MACROD2: variants seen among roughly 807,000 people sequenced by gnomAD.
MACROD2 encodes ADP-ribose glycohydrolase MACROD2.
Under a neutral mutation model 70.4 loss-of-function variants are expected in MACROD2, and 36 were observed. The observed-to-expected ratio is 0.51, with a 90% CI of 0.39 to 0.68. MACROD2 has a LOEUF of 0.68. Among genes scored for constraint, MACROD2 ranks in the 30% least tolerant of loss-of-function variants. The pLI is 0.00. For missense variants in MACROD2, 496 were observed against 538.4 expected (o/e 0.92, Z 0.78); for synonymous variants, 172 against 178.8 (o/e 0.96, Z 0.30).
intron 5 of MACROD2, among the ~76,000 whole-genome samples, chr20:15,070,279 T>G (rs1239700162): frequency 6.6e-6 from 1 of 152,170 alleles, no homozygotes; most frequent in Middle Eastern, 3.2e-3. Context: ...ATTTTTGATT[T>G]TACACGTTCC....
At chr20:15,542,642 T>G (rs1189030427) in intron 8 of MACROD2, among the ~76,000 whole-genome samples, 2 of 151,990 alleles carry the variant, frequency 1.3e-5, no homozygotes, top group Non-Finnish European at 2.9e-5. Flanking sequence ...TTCAAACACT[T>G]GACTGATCTT....
At chr20:14,602,746 G>C (rs560481213) in intron 4 of MACROD2, among the ~76,000 whole-genome samples, 1 of 152,210 alleles carries the variant, frequency 6.6e-6, no homozygotes, top group East Asian at 1.9e-4. Context: ...TTCCCTACCA[G>C]CCCAATTATT....
intron 5 of MACROD2, among the ~76,000 whole-genome samples, chr20:15,136,191 C>T (rs1478318763): frequency 1.3e-4 from 20 of 148,708 alleles, no homozygotes; most frequent in Admixed American, 1.1e-3. Context: ...TGACTTTCTT[C>T]ACAGAATTGG....
intron 8 of MACROD2, among the ~76,000 whole-genome samples, chr20:15,636,089 A>AAAAAAAAAAG (rs1459679844): frequency 1.0e-4 from 14 of 135,016 alleles, no homozygotes; most frequent in African/African-American, 2.7e-4. Context: ...AAAAAAAAAA[A>AAAAAAAAAAG]AAAGAAAGAA....
At chr20:14,269,754 G>C (rs1026742388) in intron 3 of MACROD2, among the ~76,000 whole-genome samples, 1 of 151,688 alleles carries the variant, frequency 6.6e-6, no homozygotes, top group African/African-American at 2.4e-5. Flanking sequence ...CTTTAAACAT[G>C]CTGGAATTTG....
chr20:15,065,241 G>C (rs2075564176), intron 5 of MACROD2, among the ~76,000 whole-genome samples: 1 of 151,920 alleles, frequency 6.6e-6, no homozygotes, highest in Admixed American at 6.6e-5. Flanking sequence ...TGATTGCATT[G>C]TTTTCTCAAT....
At chr20:15,024,887 C>G (rs2075217942) in intron 5 of MACROD2, among the ~76,000 whole-genome samples, 1 of 152,158 alleles carries the variant, frequency 6.6e-6, no homozygotes, top group Non-Finnish European at 1.5e-5. Context: ...GAGCCCCTGT[C>G]TAAGGTACCA....
chr20:14,483,559 G>A (rs542307695), intron 3 of MACROD2, among the ~76,000 whole-genome samples: 12 of 151,916 alleles, frequency 7.9e-5, no homozygotes, highest in South Asian at 2.1e-4. Context: ...GGCATGTGCC[G>A]CCACGCCTGG....
chr20:14,066,208 A>G (rs1266212676), intron 2 of MACROD2, among the ~76,000 whole-genome samples: 1 of 152,194 alleles, frequency 6.6e-6, no homozygotes, highest in East Asian at 1.9e-4. Context: ...TAACTCCATT[A>G]TTTGTGCTTT....
intron 5 of MACROD2, among the ~76,000 whole-genome samples, chr20:14,932,016 A>C (rs1222199252): frequency 6.6e-6 from 1 of 151,606 alleles, no homozygotes; most frequent in Non-Finnish European, 1.5e-5. Context: ...AAAAAAAAAA[A>C]AAAAAAAAAT....
intron 5 of MACROD2, among the ~76,000 whole-genome samples, chr20:14,969,515 A>C (rs949012913): frequency 6.6e-6 from 1 of 151,838 alleles, no homozygotes; most frequent in Admixed American, 6.6e-5. Flanking sequence ...GCAGATAGGA[A>C]CCCCCAGTTT....
chr20:14,504,127 C>T (rs1306884674), intron 4 of MACROD2, among the ~76,000 whole-genome samples: 1 of 152,126 alleles, frequency 6.6e-6, no homozygotes, highest in Non-Finnish European at 1.5e-5. Context: ...CTATTGTGTT[C>T]ACTTGCTGAA....
intron 6 of MACROD2, among the ~76,000 whole-genome samples, chr20:15,429,244 C>G (rs1224651640): frequency 6.6e-6 from 1 of 152,134 alleles, no homozygotes; most frequent in Non-Finnish European, 1.5e-5. Context: ...GCTTCATGAT[C>G]TGTATCACTG....
In MACROD2 at chr20:14,770,499, G is replaced by A. The variant is rs930315044; in HGVS notation, c.418+85540G>A. ...TTATACTGAGGTTCAAATAGCTCTC[G>A]TAGATTTACACTTTTTGAGTGACTA... On this transcript the variant is annotated intron_variant, in intron 5 of 17. Transcript: ENST00000684519. Among the ~76,000 whole-genome samples the A allele has an allele frequency of 2.8e-4, 43 of 152,096 alleles. 1 individual carries two copies. Among genetic ancestry groups the A allele is most frequent in the African/African-American group, 8.2e-4 (34 of 41,442 alleles).
chr20:14,517,702 G>C (rs1188011009), intron 4 of MACROD2, among the ~76,000 whole-genome samples: 1 of 152,056 alleles, frequency 6.6e-6, no homozygotes, highest in Non-Finnish European at 1.5e-5. Context: ...AGTTTAATTT[G>C]ATGTATTGTA....
intron 5 of MACROD2, chr20:14,757,497 G>T: frequency 1.8e-6 from 1 of 553,084 alleles, no homozygotes; most frequent in Admixed American, 3.1e-5. Context: ...AAAGAAAATA[G>T]ATCCCATATG....
chr20:14,915,598 C>T (rs2074081693), intron 5 of MACROD2, among the ~76,000 whole-genome samples: 6 of 152,146 alleles, frequency 3.9e-5, no homozygotes, highest in Admixed American at 3.9e-4. Flanking sequence ...CTTGCCTCGG[C>T]GTCCGAGGAG....
chr20:14,862,284 T>C (rs1344176486), intron 5 of MACROD2, among the ~76,000 whole-genome samples: 4 of 37,494 alleles, frequency 1.1e-4, no homozygotes, highest in African/African-American at 5.0e-4. Flanking sequence ...TATATTTATA[T>C]ATATTTATAT....
chr20:14,045,983 A>T (rs1427316539), intron 2 of MACROD2, among the ~76,000 whole-genome samples: 3 of 152,240 alleles, frequency 2.0e-5, no homozygotes, highest in Non-Finnish European at 4.4e-5. Context: ...AAACATGAAG[A>T]TGTTTAGAGT....
Sources: allele counts gnomAD v4.1 joint callset (sites outside exome capture counted in the v4.1 genomes callset), GRCh38; gene constraint gnomAD v4.1.1; transcripts MANE v1.5; gene names NCBI Gene and HGNC (gene_info 2026-07-23, HGNC 2026-07-21).